The following NRG1 variants were observed in gnomAD, a reference collection of about 807,000 sequenced individuals.
NRG1 encodes pro-neuregulin-1, membrane-bound isoform.
Under a neutral mutation model 63.8 loss-of-function variants are expected in NRG1, and 18 were observed. The observed-to-expected ratio is 0.28, with a 90% CI of 0.19 to 0.42. NRG1 has a LOEUF of 0.42. Ranked by LOEUF, NRG1 falls within the 10% of genes least tolerant of loss-of-function variation. NRG1 has a pLI of 1.00. For synonymous variants in NRG1, 302 were observed against 301.3 expected (o/e 1.00, Z -0.02); for missense variants, 762 against 814.7 (o/e 0.94, Z 0.79).
chr8:32,004,930 T>C (rs1020423818), intron 1 of NRG1, among the ~76,000 whole-genome samples: 6 of 151,252 alleles, frequency 4.0e-5, no homozygotes, highest in African/African-American at 1.2e-4. Context: ...GTTCATTTAA[T>C]ACAGTGGGAA....
intron 1 of NRG1, among the ~76,000 whole-genome samples, chr8:31,707,109 C>G (rs1392627646): frequency 1.3e-5 from 2 of 151,924 alleles, no homozygotes. Flanking sequence ...TTAGAAAAGG[C>G]TTTCCCCTTC....
rs1313811614 is a variant in NRG1, at chr8:31,973,167, T to C, written c.37+333736T>C. ...GGGATTTTTTCCCAAGTTCATATGC[T>C]TAAAAATATATACACACTCATACAT... On this transcript the variant is annotated intron_variant, in intron 1 of 10. Transcript: ENST00000519301. 2.0e-5 allele frequency among the ~76,000 whole-genome samples: 3 copies of C among 152,166 alleles called. 1 individual carries two copies. Among genetic ancestry groups the C allele is most frequent in the Non-Finnish European group, 4.4e-5 (3 of 68,038 alleles).
intron 1 of NRG1, among the ~76,000 whole-genome samples, chr8:32,503,288 GAAAAA>G (rs60857610): frequency 9.1e-5 from 5 of 54,856 alleles, no homozygotes; most frequent in Non-Finnish European, 1.4e-4. Context: ...CTCTGTCTCA[GAAAAA>G]AAAAAAAAAA....
At chr8:32,651,981 C>T (rs940345561) in intron 5 of NRG1, among the ~76,000 whole-genome samples, 1 of 152,082 alleles carries the variant, frequency 6.6e-6, no homozygotes, top group African/African-American at 2.4e-5. Context: ...AATGAAGAAA[C>T]CCAGGCTCAG....
chr8:31,882,264 C>T (rs1242220598), intron 1 of NRG1, among the ~76,000 whole-genome samples: 4 of 136,820 alleles, frequency 2.9e-5, no homozygotes, highest in Admixed American at 8.1e-5. Context: ...GATGCCAGCA[C>T]ATCTGTTTAT....
rs1324668162 is a variant in NRG1 at position 31,640,750 on chromosome 8, G to C, written c.37+1319G>C. On this transcript the variant is annotated intron_variant, in intron 1 of 10. Transcript: ENST00000519301. The surrounding 1 kb of genome is among the most constrained non-coding windows in gnomAD (Gnocchi z 6.3). The stretch of plus-strand genomic sequence containing the variant: ...GTGCGGTAAGTTCCTCGCCCTTGGG[G>C]GCGCGAACCCGCGGCGAGGAGGGCG... 3.3e-6 allele frequency: 5 copies of C among 1,501,364 alleles called. No individual in the cohort carries two copies. In the East Asian group the frequency reaches 1.3e-4, roughly 39 times the overall value. The allele number at this position is 1,501,364 out of a possible 1,614,324, so 93.0% of individuals were successfully genotyped here.
At chr8:31,838,040 C>T (rs191625501) in intron 1 of NRG1, among the ~76,000 whole-genome samples, 7 of 152,136 alleles carry the variant, frequency 4.6e-5, no homozygotes, top group African/African-American at 1.2e-4. Context: ...TTTTGAGGAG[C>T]TTCCATACTG....
intron 5 of NRG1, among the ~76,000 whole-genome samples, chr8:32,628,434 A>C (rs1056041256): frequency 1.2e-4 from 19 of 152,190 alleles, no homozygotes; most frequent in African/African-American, 4.6e-4. Context: ...ATCTGTGAGA[A>C]AATAAACTAT....
At chr8:32,621,081 C>T (rs1039714046) in intron 5 of NRG1, among the ~76,000 whole-genome samples, 5 of 151,904 alleles carry the variant, frequency 3.3e-5, no homozygotes, top group African/African-American at 1.2e-4. Context: ...TTTTTCCTAC[C>T]ACTTGTAAAT....
chr8:32,307,248 A>G (rs952081296), intron 1 of NRG1, among the ~76,000 whole-genome samples: 1 of 152,178 alleles, frequency 6.6e-6, no homozygotes, highest in African/African-American at 2.4e-5. Context: ...GGCTAACATA[A>G]AAAGAACCAC....
At position 32,517,984 on chromosome 8, in the gene NRG1, G is replaced by A. The variant is rs537593265; in HGVS notation, c.38-77844G>A. On this transcript the variant is annotated intron_variant, in intron 1 of 10. Coordinates refer to the NRG1 transcript ENST00000519301. ...ACAGGAGAAGAAAACAGGAAAATGG[G>A]GCTCAGAGCAGGGGAATGCTGTGTT... 2.6e-5 allele frequency among the ~76,000 whole-genome samples: 4 copies of A among 152,138 alleles called. No individual in the cohort carries two copies. In the East Asian group the frequency reaches 7.7e-4, roughly 29 times the overall value.
chr8:31,985,488 G>A (rs1809911159), intron 1 of NRG1, among the ~76,000 whole-genome samples: 1 of 151,968 alleles, frequency 6.6e-6, no homozygotes, highest in African/African-American at 2.4e-5. Flanking sequence ...AATGTATGAT[G>A]TTACCATTTA....
intron 1 of NRG1, among the ~76,000 whole-genome samples, chr8:32,172,103 G>A (rs1049392767): frequency 1.3e-5 from 2 of 152,104 alleles, no homozygotes; most frequent in South Asian, 4.2e-4. Flanking sequence ...CCCCAGTAGG[G>A]GCAGACTGAC....
intron 1 of NRG1, among the ~76,000 whole-genome samples, chr8:32,426,040 C>G (rs536686711): frequency 1.1e-4 from 16 of 152,234 alleles, no homozygotes; most frequent in Middle Eastern, 6.8e-3. Context: ...AAGGTGATTT[C>G]TCCAAGTGTT....
chr8:32,519,954 G>A (rs890423592), intron 1 of NRG1, among the ~76,000 whole-genome samples: 11 of 152,042 alleles, frequency 7.2e-5, no homozygotes, highest in African/African-American at 2.4e-4. Flanking sequence ...TAAGTGTTCT[G>A]TTCCTCTTAT....
chr8:32,183,955 T>C (rs1312199207), intron 1 of NRG1, among the ~76,000 whole-genome samples: 4 of 152,178 alleles, frequency 2.6e-5, no homozygotes, highest in African/African-American at 9.7e-5. Flanking sequence ...GTAGTTTCAG[T>C]TGTGTTGATT....
chr8:32,413,854 C>T (rs1815462473), intron 1 of NRG1, among the ~76,000 whole-genome samples: 1 of 151,892 alleles, frequency 6.6e-6, no homozygotes. Flanking sequence ...TAGAGCCATT[C>T]TCTGCCCCAG....
intron 1 of NRG1, among the ~76,000 whole-genome samples, chr8:32,199,319 T>G (rs895868767): frequency 6.6e-6 from 1 of 152,188 alleles, no homozygotes; most frequent in Non-Finnish European, 1.5e-5. Context: ...ACTTTCTGCT[T>G]TCATTCCTGC....
chr8:32,712,163 G>A (rs995209425), intron 5 of NRG1, among the ~76,000 whole-genome samples: 1 of 152,156 alleles, frequency 6.6e-6, no homozygotes, highest in African/African-American at 2.4e-5. Context: ...TCTAGCATGT[G>A]AAAGAATCTA....
Sources: gnomAD v4.1 joint callset for allele counts (sites outside exome capture counted in the v4.1 genomes callset) on GRCh38, gnomAD v4.1.1 for gene constraint, Gnocchi (gnomAD v3.1) non-coding constraint, MANE v1.5 for transcripts, NCBI Gene and HGNC (gene_info 2026-07-23, HGNC 2026-07-21) for gene names.